The following FER1L5 variants were observed in gnomAD, a reference collection of about 807,000 sequenced individuals.
FER1L5 encodes the protein fer-1-like protein 5.
In FER1L5, 187 loss-of-function variants were observed where a neutral mutation model predicts 279.9. That is an observed-to-expected ratio of 0.67 (90% CI 0.59 to 0.75). FER1L5 has a LOEUF of 0.75. Ranked by LOEUF, FER1L5 falls within the 30% of genes least tolerant of loss-of-function variation. FER1L5 has a pLI of 0.00. For missense variants in FER1L5, 2,091 were observed against 2,594.4 expected, an observed-to-expected ratio of 0.81 and a Z score of 4.21; for synonymous variants, 921 against 989.7, an observed-to-expected ratio of 0.93 and a Z score of 1.30.
At chr2:96,692,055 G>A in intron 30 of FER1L5, 49 bp from the exon 31 acceptor site, 1 of 1,549,960 alleles carries the variant, frequency 6.5e-7, no homozygotes, top group Non-Finnish European at 8.7e-7. Context: ...GTCAGAGGGA[G>A]CCGCTGGGGT....
At chr2:96,661,516 A>G in intron 11 of FER1L5, 76 bp downstream of exon 11, 1 of 1,505,346 alleles carries the variant, frequency 6.6e-7, no homozygotes, top group Non-Finnish European at 9.0e-7. Flanking sequence ...CACCCTGGAT[A>G]TTGACCATCA....
intron 24 of FER1L5, 109 bp downstream of exon 24, chr2:96,688,056 G>C: frequency 7.0e-7 from 1 of 1,426,760 alleles, no homozygotes; most frequent in African/African-American, 1.4e-5. Flanking sequence ...CGTGAGAAGG[G>C]AGGGTGTAGC....
chr2:96,692,018 G>GC (rs1282326863), intron 30 of FER1L5, 55 bp downstream of exon 30: 3 of 1,453,208 alleles, frequency 2.1e-6, no homozygotes, highest in South Asian at 1.2e-5. Context: ...GTACCCGAGG[G>GC]CGGGGGGGGG....
At chr2:96,669,199 A>G in intron 17 of FER1L5, 62 bp downstream of exon 17, 8 of 1,473,112 alleles carry the variant, frequency 5.4e-6, no homozygotes, top group Non-Finnish European at 7.3e-6. Context: ...GTAAAGCACT[A>G]GGGCCTGGGA....
intron 19 of FER1L5, among the ~76,000 whole-genome samples, chr2:96,676,772 G>T (rs2076525200): frequency 1.3e-5 from 2 of 151,896 alleles, no homozygotes; most frequent in Non-Finnish European, 2.9e-5. Context: ...CCACCTCACA[G>T]AAATAATTGT....
At chr2:96,653,942 G>GC in intron 8 of FER1L5, 1 of 516,234 alleles carries the variant, frequency 1.9e-6, no homozygotes. Context: ...GAACAAGGCA[G>GC]CCCCTTCCCA....
intron 9 of FER1L5, among the ~76,000 whole-genome samples, chr2:96,657,166 C>T (rs1288441426): frequency 1.3e-5 from 2 of 151,642 alleles, no homozygotes; most frequent in Non-Finnish European, 2.9e-5. Flanking sequence ...CTCTGCCTCC[C>T]AGGTTCAAGC....
At chr2:96,701,922 A>G in intron 45 of FER1L5, 33 bp from the exon 46 acceptor site, 1 of 1,607,828 alleles carries the variant, frequency 6.2e-7, no homozygotes, top group Non-Finnish European at 8.5e-7. Flanking sequence ...AGAGGCTAGC[A>G]ACCCCCAACC....
intron 7 of FER1L5, chr2:96,652,478 G>A (rs564694586): frequency 4.4e-4 from 72 of 163,932 alleles, no homozygotes; most frequent in African/African-American, 1.7e-3. Flanking sequence ...TGAGTAATGA[G>A]GCTGGGGGTG....
At chr2:96,646,630 A>G (rs972989333) in intron 2 of FER1L5, among the ~76,000 whole-genome samples, 177 bp downstream of exon 2, 2 of 152,170 alleles carry the variant, frequency 1.3e-5, no homozygotes, top group Non-Finnish European at 2.9e-5. Flanking sequence ...AAGGCTGTGA[A>G]GGCCACACCT....
chr2:96,695,417 C>T (rs1034493229), intron 34 of FER1L5, 92 bp from the exon 35 acceptor site: 23 of 1,453,624 alleles, frequency 1.6e-5, no homozygotes, highest in Middle Eastern at 2.3e-4. Flanking sequence ...CCTGCTGCAC[C>T]GCTATTGCCC....
At position 96,693,685 on chromosome 2, in the gene FER1L5, T is replaced by G. The variant is rs61745438; in HGVS notation, c.3472T>G (p.Trp1158Gly). The G allele has an allele frequency of 3.6e-3, 5,660 of 1,550,912 alleles. 148 individuals carry two copies. In the African/African-American group the frequency reaches 0.062, roughly 17 times the overall value. ...GCTGGAGCTGTGGCAGCGTGACTTC[T>G]GGGTAAGTTGGGCTGGGCAGAGCAA... ...VVLELWQRDF[W>G]GKESLWGRSV... The change falls in exon 32 of 53, where the codon TGG (tryptophan) becomes GGG (glycine). Residue 1158 changes from tryptophan to glycine, a missense_variant and splice_region_variant. Coordinates refer to ENST00000624922, the MANE Select transcript of FER1L5 (RefSeq NM_001293083.2).
At chr2:96,662,852 A>G (rs2076002725) in intron 13 of FER1L5, among the ~76,000 whole-genome samples, 1 of 152,228 alleles carries the variant, frequency 6.6e-6, no homozygotes, top group African/African-American at 2.4e-5. Flanking sequence ...AACATATTTA[A>G]AACCACCATA....
chr2:96,680,289 C>T (rs1027234080), intron 19 of FER1L5, among the ~76,000 whole-genome samples: 2 of 152,004 alleles, frequency 1.3e-5, no homozygotes, highest in African/African-American at 4.8e-5. Context: ...TGCATCTCTG[C>T]TTATTTATCA....
intron 11 of FER1L5, 92 bp downstream of exon 11, chr2:96,661,532 C>G: frequency 6.6e-7 from 1 of 1,505,872 alleles, no homozygotes. Context: ...CATCACATCT[C>G]TCCTTTGTCC....
At chr2:96,680,755 A>G (rs779202904) in intron 19 of FER1L5, among the ~76,000 whole-genome samples, 41 of 152,256 alleles carry the variant, frequency 2.7e-4, no homozygotes, top group Non-Finnish European at 8.8e-5. Flanking sequence ...AATTATCACA[A>G]AGCAAACATG....
chr2:96,647,712 C>A, intron 3 of FER1L5, 66 bp from the exon 4 acceptor site: 1 of 1,201,504 alleles, frequency 8.3e-7, no homozygotes, highest in Non-Finnish European at 1.2e-6. Flanking sequence ...TAAAGCCCTG[C>A]CCGGGAGAGA....
chr2:96,651,843 C>T (rs1173892481), intron 6 of FER1L5, 49 bp from the exon 7 acceptor site: 1 of 1,550,960 alleles, frequency 6.4e-7, no homozygotes, highest in South Asian at 1.2e-5. Context: ...AATGTTGTCC[C>T]AGCTACAGAA....
At chr2:96,669,851 G>T (rs970875512) in intron 17 of FER1L5, among the ~76,000 whole-genome samples, 1 of 152,132 alleles carries the variant, frequency 6.6e-6, no homozygotes, top group African/African-American at 2.4e-5. Flanking sequence ...CAAACTCAGT[G>T]GTAATCACAG....
Sources: allele counts gnomAD v4.1 joint callset (sites outside exome capture counted in the v4.1 genomes callset), GRCh38; gene constraint gnomAD v4.1.1; transcripts MANE v1.5; gene names NCBI Gene and HGNC (gene_info 2026-07-23, HGNC 2026-07-21).